The following PPIP5K1 variants were observed in gnomAD, a reference collection of about 807,000 sequenced individuals.
PPIP5K1 encodes the protein diphosphoinositol pentakisphosphate kinase 1, also known as inositol hexakisphosphate and diphosphoinositol-pentakisphosphate kinase 1.
PPIP5K1 carries 6 observed loss-of-function variants against 27.7 expected under a neutral mutation model. The ratio of observed to expected loss-of-function variants is 0.22; its 90% confidence interval spans 0.12 to 0.43. The LOEUF is 0.43. PPIP5K1 is among the 20% of genes least tolerant of loss of function. The probability of loss-of-function intolerance (pLI) is 1.00; values close to 1 mark genes in which losing one functional copy is unlikely to be tolerated. For synonymous variants in PPIP5K1, 145 were observed against 242.6 expected (o/e 0.60, Z 3.74); for missense variants, 394 against 635.4 (o/e 0.62, Z 4.08).
intron 30 of PPIP5K1, among the ~76,000 whole-genome samples, chr15:43,555,321 G>A (rs2082795292): frequency 6.6e-6 from 1 of 152,036 alleles, no homozygotes; most frequent in South Asian, 2.1e-4. Context: ...TATCACCCAG[G>A]CTGGAGTGTG....
intron 30 of PPIP5K1, among the ~76,000 whole-genome samples, chr15:43,549,192 A>T (rs1221268073): frequency 6.6e-6 from 1 of 150,802 alleles, no homozygotes; most frequent in African/African-American, 2.4e-5. Context: ...AATCACAGGC[A>T]TGAACCACTG....
intron 30 of PPIP5K1, among the ~76,000 whole-genome samples, chr15:43,552,541 A>G (rs2082346890): frequency 6.8e-6 from 1 of 147,786 alleles, no homozygotes; most frequent in Non-Finnish European, 1.5e-5. Context: ...AAAAAAAAAA[A>G]AAAAGAAAAA....
At chr15:43,544,055 C>T (rs535992064) in intron 30 of PPIP5K1, among the ~76,000 whole-genome samples, 34 of 151,922 alleles carry the variant, frequency 2.2e-4, no homozygotes, top group African/African-American at 8.2e-4. Context: ...CTTTTCTTAA[C>T]TTTATATTTT....
At position 43,558,886 on chromosome 15, in the gene PPIP5K1, T is replaced by C. The variant is rs1408268070; in HGVS notation, c.3465A>G (p.Thr1155=). Residue 1155 remains threonine (T), a synonymous_variant, in exon 30 of 32, where the codon ACA becomes ACG. Transcript: ENST00000420765. Reference sequence around the variant, plus strand: ...GACGTAGGGAAAGGGCATTATGCAGTGTTTCCAGAGGGTAGATGGTAGGCA... The same window carrying C: ...GACGTAGGGAAAGGGCATTATGCAGCGTTTCCAGAGGGTAGATGGTAGGCA... ...SMVPTIYPLE[T]LHNALSLRQV... is the part of the protein sequence containing the mutation. 4 of 1,613,828 alleles carry C rather than the reference T, an allele frequency of 2.5e-6. No homozygotes were observed. The highest frequency in any genetic ancestry group is 2.7e-5 in the African/African-American group (2 of 74,862).
At chr15:43,547,996 T>A (rs941982887) in intron 30 of PPIP5K1, among the ~76,000 whole-genome samples, 4 of 152,204 alleles carry the variant, frequency 2.6e-5, no homozygotes, top group African/African-American at 9.7e-5. Flanking sequence ...GCCTTTCCAT[T>A]TATATAGGTC....
At position 43,535,155 on chromosome 15, in the gene PPIP5K1, G is replaced by A. The variant is rs190919087; in HGVS notation, c.3992C>T (p.Ala1331Val). 3.4e-5 allele frequency: 54 copies of A among 1,611,724 alleles called. No homozygotes were observed. Among genetic ancestry groups the A allele is most frequent in the Admixed American group, 6.7e-5 (4 of 59,830 alleles). ...ISQPCQDISE[A>V]LSQPCQKVPD... ...GACCTTCTGACATGGCTGGCTGAGC[G>A]CCTCAGAAATGTCCTGGCATGGCTG... The change falls in exon 32 of 32, where the codon GCG becomes GTG. Residue 1331 changes from alanine (A) to valine (V), a missense_variant. This residue lies in a region of PPIP5K1 where 379 missense variants were observed against 423.9 expected (regional missense o/e 0.89). Coordinates refer to ENST00000420765, the MANE Select transcript of PPIP5K1 (RefSeq NM_001394395.1).
chr15:43,546,968 T>A (rs897575978), intron 30 of PPIP5K1, among the ~76,000 whole-genome samples: 38 of 152,220 alleles, frequency 2.5e-4, no homozygotes, highest in African/African-American at 8.9e-4. Context: ...CTATGTTTAA[T>A]TTTTTGAGGA....
At chr15:43,558,517 C>A (rs150826145) in intron 30 of PPIP5K1, among the ~76,000 whole-genome samples, 1 of 152,182 alleles carries the variant, frequency 6.6e-6, no homozygotes, top group Non-Finnish European at 1.5e-5. Context: ...TGAGCCACTG[C>A]GCCCGGCCTT....
chr15:43,548,969 A>G (rs976225212), intron 30 of PPIP5K1, among the ~76,000 whole-genome samples: 5 of 137,280 alleles, frequency 3.6e-5, no homozygotes, highest in East Asian at 4.7e-4. Context: ...CGGAGGTTCC[A>G]GTGAGTGGAC....
intron 30 of PPIP5K1, among the ~76,000 whole-genome samples, chr15:43,542,301 CG>C (rs35106975): frequency 0.63 from 77,598 of 123,002 alleles, 23,037 homozygotes; most frequent in Non-Finnish European, 0.68. Flanking sequence ...TTAATTTTGG[CG>C]GGGGGGGGGG....
At chr15:43,540,861 C>CAAAA (rs34085400) in intron 30 of PPIP5K1, among the ~76,000 whole-genome samples, 14 of 73,868 alleles carry the variant, frequency 1.9e-4, no homozygotes, top group East Asian at 3.3e-4. Context: ...GACTCTGTCT[C>CAAAA]AAAAAAAAAA....
At position 43,558,878 on chromosome 15, in the gene PPIP5K1, T is replaced by C; in HGVS notation, c.3473A>G (p.Asn1158Ser). Residue 1158 changes from asparagine to serine, a missense_variant, in exon 30 of 32, where the codon AAT becomes AGT. By Grantham distance (46) the Asn-to-Ser change is conservative. Around this residue, in one of 4 missense-constraint regions of PPIP5K1, gnomAD observed 379 missense variants for 423.9 expected, o/e 0.89. Coordinates refer to ENST00000420765, the MANE Select transcript of PPIP5K1 (RefSeq NM_001394395.1). ...ACTCACTTGACGTAGGGAAAGGGCA[T>C]TATGCAGTGTTTCCAGAGGGTAGAT... ...PTIYPLETLH[N>S]ALSLRQVSEF... The C allele has an allele frequency of 6.2e-7, 1 of 1,614,060 alleles. No homozygotes were observed. The highest frequency in any genetic ancestry group is 8.5e-7 in the Non-Finnish European group (1 of 1,180,010).
intron 31 of PPIP5K1, 51 bp from the exon 32 acceptor site, chr15:43,535,527 C>G (rs751893587): frequency 7.2e-7 from 1 of 1,393,414 alleles, no homozygotes; most frequent in Non-Finnish European, 9.8e-7. Flanking sequence ...AGAGTAGGCT[C>G]TACCCTGTGC....
intron 31 of PPIP5K1, chr15:43,537,421 G>C (rs772914919): frequency 3.1e-6 from 1 of 324,792 alleles, no homozygotes; most frequent in Admixed American, 3.7e-5. Flanking sequence ...AGACGCGGTG[G>C]CTCATGCCTG....
rs149517945 is a variant in PPIP5K1 at position 43,549,664 on chromosome 15, C to A, written c.3556+9131G>T. On this transcript the variant is annotated intron_variant, in intron 30 of 31. Transcript: ENST00000420765. ...CAACAACCTGTCTTAAAAAAAAAAT[C>A]TTTATACAAATTTTAAAAAATTTAT... Among the ~76,000 whole-genome samples the A allele has an allele frequency of 8.6e-5, 13 of 151,668 alleles. No individual in the cohort carries two copies. In the East Asian group the frequency reaches 1.8e-3, roughly 21 times the overall value.
Position 43,558,787 on chromosome 15 carries a change from A to G in PPIP5K1, c.3556+8T>C, listed in dbSNP as rs2083384571. ...GAGAGAAGGGTAAAAAAATAAGAAT[A>G]TCCCTACCTGCAGATGCCTGTGCCT... On this transcript the variant is annotated splice_region_variant and intron_variant, in intron 30 of 31. Coordinates refer to ENST00000420765, the MANE Select transcript of PPIP5K1 (RefSeq NM_001394395.1). 1 of 1,613,524 alleles carries G rather than the reference A, an allele frequency of 6.2e-7. No individual in the cohort carries two copies. Among genetic ancestry groups the G allele is most frequent in the African/African-American group, 1.3e-5 (1 of 74,918 alleles).
At chr15:43,541,730 GAA>G (rs1555422535) in intron 30 of PPIP5K1, among the ~76,000 whole-genome samples, 2 of 109,976 alleles carry the variant, frequency 1.8e-5, no homozygotes, top group Admixed American at 9.3e-5. Flanking sequence ...TCTCAAAAAA[GAA>G]AAAAAAAAAA....
chr15:43,542,301 C>CGGG (rs35106975), intron 30 of PPIP5K1, among the ~76,000 whole-genome samples: 2 of 123,128 alleles, frequency 1.6e-5, no homozygotes, highest in African/African-American at 7.0e-5. Flanking sequence ...TTAATTTTGG[C>CGGG]GGGGGGGGGG....
Position 43,534,054 on chromosome 15 carries a change from C to T in PPIP5K1, c.*620G>A, listed in dbSNP as rs1013850726. ...TGGGGAAGGGACTCTATTTTCCAGACATTTCAGATAGCCATCCCGGGCTCA... is the reference window on the plus strand; with the variant it reads ...TGGGGAAGGGACTCTATTTTCCAGATATTTCAGATAGCCATCCCGGGCTCA... On this transcript the variant is annotated 3_prime_UTR_variant, in exon 32 of 32. Coordinates refer to ENST00000420765, the MANE Select transcript of PPIP5K1 (RefSeq NM_001394395.1). 1.3e-5 allele frequency: 2 copies of T among 152,448 alleles called. No individual in the cohort carries two copies. Among genetic ancestry groups the T allele is most frequent in the African/African-American group, 4.8e-5 (2 of 41,562 alleles). 9.4% of individuals were successfully genotyped at this position (152,448 alleles called of 1,614,324 possible). A position where few individuals can be genotyped will look rare whatever the true frequency, so the allele number is the denominator to read the frequency against.
Sources: allele counts gnomAD v4.1 joint callset (sites outside exome capture counted in the v4.1 genomes callset), GRCh38; gene constraint gnomAD v4.1.1; regional missense constraint gnomAD v4.1.1; transcripts MANE v1.5; gene names NCBI Gene and HGNC (gene_info 2026-07-23, HGNC 2026-07-21).